FZR1: variants seen among roughly 807,000 people sequenced by gnomAD.
FZR1 encodes the protein fizzy and cell division cycle 20 related 1, also known as fizzy-related protein homolog.
In FZR1, 11 loss-of-function variants were observed where a neutral mutation model predicts 63.6. The ratio of observed to expected loss-of-function variants is 0.17; its 90% CI spans 0.11 to 0.29. The LOEUF is 0.29. Among genes scored for constraint, FZR1 ranks in the 10% least tolerant of loss-of-function variants. FZR1 has a pLI of 1.00. For synonymous variants in FZR1, 328 were observed against 297.9 expected, an observed-to-expected ratio of 1.10 and a Z score of -1.04; for missense variants, 440 against 687.5, an observed-to-expected ratio of 0.64 and a Z score of 4.03.
chr19:3,527,571 C>A (rs1343523283), intron 6 of FZR1, 60 bp from the exon 7 acceptor site: 2 of 1,377,132 alleles, frequency 1.5e-6, no homozygotes, highest in Non-Finnish European at 1.0e-6. Flanking sequence ...ACTTCCCAAG[C>A]GTTTGCAAGA....
Position 3,525,383 on chromosome 19 carries a change from T to C in FZR1, c.70-485T>C, listed in dbSNP as rs1428456932. Among the ~76,000 whole-genome samples the C allele has an allele frequency of 6.7e-6, 1 of 150,290 alleles. No homozygotes were observed. The highest frequency in any genetic ancestry group is 2.0e-4 in the East Asian group (1 of 4,982). On this transcript the variant is annotated intron_variant, in intron 2 of 13. Coordinates refer to ENST00000441788, the MANE Select transcript of FZR1 (RefSeq NM_016263.4). This position sits in a 1 kb window ranked among gnomAD's most constrained non-coding sequence, Gnocchi z 4.2. ...CGGAGGCTTCTGGCACAGAAATCCC[T>C]GACCATGAGTGACCACGAGTGACTG...
rs530883028 is a variant in FZR1 at position 3,535,010 on chromosome 19, T to C, written c.*174T>C. The C allele has an allele frequency of 4.9e-6, 3 of 617,954 alleles. No individual in the cohort carries two copies. Among genetic ancestry groups the C allele is most frequent in the East Asian group, 5.6e-5 (2 of 35,968 alleles). The allele number at this position is 617,954 out of a possible 1,614,324, so 38.3% of individuals were successfully genotyped here. ...TCATTAAATGCCTGATTGTGAACCA[T>C]GTCCACCAGTATCTGGGGTGGGCAC... On this transcript the variant is annotated 3_prime_UTR_variant, in exon 14 of 14. Transcript: ENST00000441788.
rs368769005 is a variant in FZR1, at chr19:3,514,668, G to C, written c.-35+8194G>C. On this transcript the variant is annotated intron_variant, in intron 1 of 13. Coordinates refer to ENST00000441788, the MANE Select transcript of FZR1 (RefSeq NM_016263.4). The surrounding 1 kb of genome is among the most constrained non-coding windows in gnomAD (Gnocchi z 4.2). The stretch of plus-strand genomic sequence containing the variant: ...ATCCATACCCTGAGTGGGAGGGAGA[G>C]AGGAGGTGAATCTCAGGAGCTGGAG... Among the ~76,000 whole-genome samples the C allele has an allele frequency of 1.3e-5, 2 of 152,204 alleles. No homozygotes were observed. Among genetic ancestry groups the C allele is most frequent in the Non-Finnish European group, 2.9e-5 (2 of 68,020 alleles).
Position 3,526,321 on chromosome 19 carries a change from C to G in FZR1, c.322C>G (p.Gln108Glu). 3.7e-6 allele frequency: 6 copies of G among 1,603,938 alleles called. No homozygotes were observed. The highest frequency in any genetic ancestry group is 5.1e-6 in the Non-Finnish European group (6 of 1,176,034). The change falls in exon 5 of 14, where the codon CAG becomes GAG. Residue 108 changes from glutamine (Q) to glutamate (E), a missense_variant. Coordinates refer to ENST00000441788, the MANE Select transcript of FZR1 (RefSeq NM_016263.4). The surrounding 1 kb of genome is among the most constrained non-coding windows in gnomAD (Gnocchi z 5.4). ...ELLGAGIEKV[Q>E]DPQTEDRRLQ... is the part of the protein sequence containing the mutation. ...GCTGGGTGCCGGCATCGAGAAGGTGCAGGACCCGCAGACTGAGGACCGCAG... is the reference window on the plus strand; with the variant it reads ...GCTGGGTGCCGGCATCGAGAAGGTGGAGGACCCGCAGACTGAGGACCGCAG...
chr19:3,532,675 C>T, intron 11 of FZR1, 25 bp downstream of exon 11: 3 of 1,522,248 alleles, frequency 2.0e-6, no homozygotes, highest in Non-Finnish European at 2.7e-6. Flanking sequence ...CCCGGCCTCC[C>T]ACCAGGCCTC....
Position 3,535,133 on chromosome 19 carries a change from G to C in FZR1, c.*297G>C. ...GGCTCAGACCGTCTGTACTCAGAGC[G>C]ACGGATGCCCCCTGGGACCCTCACT... On this transcript the variant is annotated 3_prime_UTR_variant, in exon 14 of 14. Coordinates refer to ENST00000441788, the MANE Select transcript of FZR1 (RefSeq NM_016263.4). 2.1e-6 allele frequency: 1 copy of C among 472,048 alleles called. No individual in the cohort carries two copies. The highest frequency in any genetic ancestry group is 3.9e-6 in the Non-Finnish European group (1 of 258,710). The allele number at this position is 472,048 out of a possible 1,614,324, so 29.2% of individuals were successfully genotyped here. A position where few individuals can be genotyped will look rare whatever the true frequency, so the allele number is the denominator to read the frequency against.
intron 10 of FZR1, 66 bp downstream of exon 10, chr19:3,532,161 G>A (rs1055226406): frequency 1.9e-5 from 27 of 1,399,696 alleles, no homozygotes; most frequent in Admixed American, 7.7e-5. Context: ...TGGCAGGAAC[G>A]GAAGAGCCTG....
chr19:3,530,528 GGATGGTTGAGTAGATGGGAGAGCA>G, intron 7 of FZR1, among the ~76,000 whole-genome samples: 1 of 149,176 alleles, frequency 6.7e-6, no homozygotes, highest in East Asian at 2.0e-4. Context: ...TTGAGGGAGT[GGATGGTTGAGTAGATGGGAGAGCA>G]GATGGGAGAG....
In FZR1 at chr19:3,536,299, GCCC is replaced by G. The variant is rs2122044477; in HGVS notation, c.*1465_*1467del. The G allele has an allele frequency of 6.6e-6, 1 of 152,292 alleles. No homozygotes were observed. Among genetic ancestry groups the G allele is most frequent in the East Asian group, 1.9e-4 (1 of 5,188 alleles). 9.4% of individuals were successfully genotyped at this position (152,292 alleles called of 1,614,324 possible). ...TGGGGGATGAGGTCCTGGTTTTAAA[GCCC>G]CGTCATTTCAAGCGGGTCGATCTTC... is the stretch of plus-strand genomic sequence containing the variant. On this transcript the variant is annotated 3_prime_UTR_variant, in exon 14 of 14. Transcript: ENST00000441788.
chr19:3,517,981 A>G (rs2121920700), intron 1 of FZR1, among the ~76,000 whole-genome samples: 1 of 143,026 alleles, frequency 7.0e-6, no homozygotes, highest in African/African-American at 2.6e-5. Context: ...CTACAGATGT[A>G]TGCCACCACA....
In FZR1 at chr19:3,522,810, G is replaced by A. The variant is rs2083115182; in HGVS notation, c.-34-146G>A. On this transcript the variant is annotated intron_variant, in intron 1 of 13. Transcript: ENST00000441788. ...TTGGGGGAGCCTCACCTAGGATGAGGCTAGGGCTGGCAGAAGATCCCCACA... is the reference window on the plus strand; with the variant it reads ...TTGGGGGAGCCTCACCTAGGATGAGACTAGGGCTGGCAGAAGATCCCCACA... 4.8e-6 allele frequency: 3 copies of A among 623,086 alleles called. No homozygotes were observed. In the Admixed American group the frequency reaches 7.8e-5, roughly 16 times the overall value. 38.6% of individuals were successfully genotyped at this position (623,086 alleles called of 1,614,324 possible). A position where few individuals can be genotyped will look rare whatever the true frequency, so the allele number is the denominator to read the frequency against.
In FZR1 at chr19:3,527,627, G is replaced by A; in HGVS notation, c.471-4G>A. The A allele has an allele frequency of 6.2e-7, 1 of 1,601,312 alleles. No homozygotes were observed. The highest frequency in any genetic ancestry group is 1.1e-5 in the South Asian group (1 of 90,816). Reference sequence around the variant, plus strand: ...TCACGGATGCCACGTGGCCGCCTCTGCAGCCAGAAGCTGCTCCGGTCCCCC... The same window carrying A: ...TCACGGATGCCACGTGGCCGCCTCTACAGCCAGAAGCTGCTCCGGTCCCCC... On this transcript the variant is annotated splice_polypyrimidine_tract_variant and splice_region_variant and intron_variant, in intron 6 of 13. Coordinates refer to ENST00000441788, the MANE Select transcript of FZR1 (RefSeq NM_016263.4).
intron 6 of FZR1, 93 bp from the exon 7 acceptor site, chr19:3,527,538 C>G (rs1482644080): frequency 9.8e-7 from 1 of 1,016,308 alleles, no homozygotes; most frequent in Non-Finnish European, 1.4e-6. Flanking sequence ...GACTGGGCTC[C>G]TGGGGCTGGC....
At position 3,529,829 on chromosome 19, in the gene FZR1, CGG is replaced by C. The variant is rs1272178549; in HGVS notation, c.655-962_655-961del. Among the ~76,000 whole-genome samples the C allele has an allele frequency of 1.4e-4, 9 of 65,348 alleles. 1 individual carries two copies. The highest frequency in any genetic ancestry group is 1.1e-3 in the African/African-American group (9 of 8,098). The allele number at this position is 65,348 out of a possible 152,430, so 42.9% of individuals were successfully genotyped here. A position where few individuals can be genotyped will look rare whatever the true frequency, so the allele number is the denominator to read the frequency against. On this transcript the variant is annotated intron_variant, in intron 7 of 13. Transcript: ENST00000441788. ...GTGGATGGTTGAGTGGATGGGTGAG[CGG>C]ATGGGTGAGCGGGTGGGTGAGCGGG...
In FZR1 at chr19:3,526,911, G is replaced by A. The variant is rs1381763714; in HGVS notation, c.388-69G>A. 2 of 1,072,378 alleles carry A rather than the reference G, an allele frequency of 1.9e-6. No individual in the cohort carries two copies. The highest frequency in any genetic ancestry group is 2.4e-5 in the East Asian group (1 of 42,480). 66.4% of individuals were successfully genotyped at this position (1,072,378 alleles called of 1,614,324 possible). ...GCTATGAGCTGTACCGGGAGCGTGGGCTGCTGGGGGGCTCTGAGGGTCCTG... is the reference window on the plus strand; with the variant it reads ...GCTATGAGCTGTACCGGGAGCGTGGACTGCTGGGGGGCTCTGAGGGTCCTG... On this transcript the variant is annotated intron_variant, in intron 5 of 13. Coordinates refer to ENST00000441788, the MANE Select transcript of FZR1 (RefSeq NM_016263.4). This position sits in a 1 kb window ranked among gnomAD's most constrained non-coding sequence, Gnocchi z 5.4.
intron 7 of FZR1, among the ~76,000 whole-genome samples, chr19:3,528,018 GCCTCCCAGCCACGGCCCTCCCAAC>G (rs1001113944): frequency 4.0e-5 from 6 of 151,538 alleles, no homozygotes; most frequent in African/African-American, 1.5e-4. Context: ...CCCAGTCAGG[GCCTCCCAGCCACGGCCCTCCCAAC>G]CCTCCCAGCC....
chr19:3,528,352 G>A (rs1023471078), intron 7 of FZR1, among the ~76,000 whole-genome samples: 14 of 152,250 alleles, frequency 9.2e-5, no homozygotes, highest in Non-Finnish European at 1.3e-4. Context: ...TCGGGAGAGC[G>A]AGGGTTGGCG....
chr19:3,531,435 C>T (rs917866436), intron 8 of FZR1, among the ~76,000 whole-genome samples: 5 of 152,256 alleles, frequency 3.3e-5, no homozygotes, highest in African/African-American at 9.6e-5. Context: ...TGCAGTTTCT[C>T]CTTCCCTCTG....
rs1371183994 is a variant in FZR1, at chr19:3,534,780, C to G, written c.1441-15C>G. 1 of 1,611,836 alleles carries G rather than the reference C, an allele frequency of 6.2e-7. No homozygotes were observed. The highest frequency in any genetic ancestry group is 8.5e-7 in the Non-Finnish European group (1 of 1,178,830). On this transcript the variant is annotated splice_polypyrimidine_tract_variant and intron_variant, in intron 13 of 13. Coordinates refer to ENST00000441788, the MANE Select transcript of FZR1 (RefSeq NM_016263.4). ...CCTGCGGCTCAGCGCATCTGCCATC[C>G]CCATGTGTCTGCAGGAGTCTGTGTC...
Sources: gnomAD v4.1 joint callset for allele counts (sites outside exome capture counted in the v4.1 genomes callset) on GRCh38, gnomAD v4.1.1 for gene constraint, Gnocchi (gnomAD v3.1) non-coding constraint, MANE v1.5 for transcripts, NCBI Gene and HGNC (gene_info 2026-07-23, HGNC 2026-07-21) for gene names.